The following CEP350 variants were observed in gnomAD, a reference collection of about 807,000 sequenced individuals.
CEP350 encodes centrosome-associated protein 350.
A neutral mutation model predicts 331.8 loss-of-function variants in CEP350; 126 were observed. That is an observed-to-expected ratio of 0.38 (90% CI 0.33 to 0.44). The LOEUF is 0.44. Ranked by LOEUF, CEP350 falls within the 20% of genes least tolerant of loss-of-function variation. CEP350 has a pLI of 1.00. For synonymous variants in CEP350, 1,200 were observed against 1,259.5 expected (o/e 0.95, Z 1.00); for missense variants, 3,406 against 3,634.6 (o/e 0.94, Z 1.62).
At chr1:180,062,733 C>G (rs1267121122) in intron 26 of CEP350, among the ~76,000 whole-genome samples, 1 of 152,282 alleles carries the variant, frequency 6.6e-6, no homozygotes, top group Admixed American at 6.5e-5. Flanking sequence ...CCTCTTTCTT[C>G]TCTTATTAAG....
In CEP350 at chr1:180,014,407, T is replaced by G; in HGVS notation, c.1954T>G (p.Ser652Ala). The change falls in exon 10 of 38, where the codon TCA becomes GCA. Residue 652 changes from serine (S) to alanine (A), a missense_variant. Physicochemically the swap from Ser to Ala is moderately conservative, Grantham distance 99. Coordinates refer to ENST00000367607, the MANE Select transcript of CEP350 (RefSeq NM_014810.5). The part of the protein sequence containing the change: ...KVKNVPPSEP[S>A]ATRRLQETYS... ...AAAAAATGTCCCTCCTTCTGAGCCATCAGCAACTAGGCGACTACAGGAAAC... is the reference window on the plus strand; with the variant it reads ...AAAAAATGTCCCTCCTTCTGAGCCAGCAGCAACTAGGCGACTACAGGAAAC... The G allele has an allele frequency of 1.2e-6, 2 of 1,605,876 alleles. No individual in the cohort carries two copies. The highest frequency in any genetic ancestry group is 1.7e-6 in the Non-Finnish European group (2 of 1,176,056).
At chr1:180,035,768 A>T (rs1336861362) in intron 16 of CEP350, among the ~76,000 whole-genome samples, 3 of 152,224 alleles carry the variant, frequency 2.0e-5, no homozygotes, top group African/African-American at 7.2e-5. Context: ...AAGAGCTCTG[A>T]TGGTCATAAA....
chr1:179,995,191 CTGT>C (rs1322215359), intron 5 of CEP350, among the ~76,000 whole-genome samples: 1 of 152,142 alleles, frequency 6.6e-6, no homozygotes, highest in African/African-American at 2.4e-5. Flanking sequence ...CAGGTCCAGC[CTGT>C]TGTTAGGTCT....
rs1200874866 is a variant in CEP350, at chr1:180,062,281, T to G, written c.5324T>G (p.Leu1775Arg). The G allele has an allele frequency of 6.2e-7, 1 of 1,611,044 alleles. No individual in the cohort carries two copies. The highest frequency in any genetic ancestry group is 8.5e-7 in the Non-Finnish European group (1 of 1,178,412). Residue 1775 changes from leucine (L) to arginine (R), a missense_variant, in exon 26 of 38, where the codon CTT becomes CGT. Leu to Arg is a moderately radical substitution (Grantham distance 102). Around this residue, in one of 5 missense-constraint regions of CEP350, gnomAD observed 1,415 missense variants for 1,512.3 expected, o/e 0.94. Transcript: ENST00000367607. ...KAARKERQLI[L>R]KQQEEIEKIR... ...GCTCGGAAGGAAAGACAGCTGATTC[T>G]TAAACAGCAGGAGGAGATAGAAAAG...
chr1:180,086,562 A>AT (rs1558149970), intron 31 of CEP350, among the ~76,000 whole-genome samples: 1 of 150,166 alleles, frequency 6.7e-6, no homozygotes, highest in Non-Finnish European at 1.5e-5. Flanking sequence ...TATATATATA[A>AT]AATACATAGC....
At chr1:180,091,828 CAAAA>C (rs59793106) in intron 33 of CEP350, among the ~76,000 whole-genome samples, 1 of 111,562 alleles carries the variant, frequency 9.0e-6, no homozygotes, top group Non-Finnish European at 1.9e-5. Flanking sequence ...GACACTATCT[CAAAA>C]AAAAAAAAAA....
At chr1:179,961,305 C>T (rs1631932) in intron 1 of CEP350, among the ~76,000 whole-genome samples, 85,732 of 151,888 alleles carry the variant, frequency 0.56, 26,164 homozygotes, top group East Asian at 0.71. Flanking sequence ...AAAATTAGCT[C>T]GGCGTGGTGG....
chr1:180,004,013 CTAT>C (rs1409676419), intron 7 of CEP350, among the ~76,000 whole-genome samples: 7 of 152,098 alleles, frequency 4.6e-5, no homozygotes, highest in African/African-American at 1.7e-4. Flanking sequence ...AGTTTTCTTG[CTAT>C]TATTATACAA....
chr1:180,011,992 T>C lies in CEP350; in HGVS notation c.1310T>C (p.Leu437Pro), dbSNP rs1571864721. Residue 437 changes from leucine to proline, a missense_variant, in exon 9 of 38, where the codon CTG becomes CCG. By Grantham distance (98) the Leu-to-Pro change is moderately conservative (BLOSUM62 -3). Around this residue, in one of 5 missense-constraint regions of CEP350, gnomAD observed 1,857 missense variants for 1,909.2 expected, o/e 0.97. Coordinates refer to ENST00000367607, the MANE Select transcript of CEP350 (RefSeq NM_014810.5). ...GGACAAAAATTAGTAAAGAAGATTC[T>C]GGGACCTGCTCCCAGAATGGAGCCA... Reference protein sequence around the residue: ...RDGQKLVKKILGPAPRMEPKE... With the variant: ...RDGQKLVKKIPGPAPRMEPKE... 6.3e-7 allele frequency: 1 copy of C among 1,593,650 alleles called. No individual in the cohort carries two copies. The highest frequency in any genetic ancestry group is 1.7e-4 in the Middle Eastern group (1 of 6,036).
chr1:180,067,912 A>G (rs558606333), intron 27 of CEP350, among the ~76,000 whole-genome samples: 1 of 152,346 alleles, frequency 6.6e-6, no homozygotes, highest in Non-Finnish European at 1.5e-5. Flanking sequence ...TTTCATAGTC[A>G]TTCGCTATGG....
intron 1 of CEP350, among the ~76,000 whole-genome samples, chr1:179,976,605 G>A (rs1182976220): frequency 6.7e-6 from 1 of 148,774 alleles, no homozygotes; most frequent in Non-Finnish European, 1.5e-5. Context: ...AGTGAGCCGA[G>A]ATCGCGCCAC....
At position 180,094,566 on chromosome 1, in the gene CEP350, T is replaced by C. The variant is rs756806548; in HGVS notation, c.8461T>C (p.Leu2821=). 3.1e-6 allele frequency: 5 copies of C among 1,613,696 alleles called. No homozygotes were observed. Among genetic ancestry groups the C allele is most frequent in the East Asian group, 4.5e-5 (2 of 44,870 alleles). ...SISGCFLSSE[L]EDEKEEISSP... is the part of the protein sequence containing the mutation. Reference sequence around the variant, plus strand: ...TTCAGGTTGCTTCTTAAGTTCTGAATTGGAAGATGAAAAAGAAGAGATTTC... The same window carrying C: ...TTCAGGTTGCTTCTTAAGTTCTGAACTGGAAGATGAAAAAGAAGAGATTTC... The change falls in exon 34 of 38, where the codon TTG becomes CTG. Residue 2821 remains leucine (L), a synonymous_variant. Transcript: ENST00000367607.
chr1:180,039,433 C>T (rs1264640192), intron 17 of CEP350, among the ~76,000 whole-genome samples: 2 of 152,060 alleles, frequency 1.3e-5, no homozygotes, highest in Admixed American at 1.3e-4. Flanking sequence ...GTGTGTAATC[C>T]TTCTCAAGTT....
At position 180,058,425 on chromosome 1, in the gene CEP350, C is replaced by T. The variant is rs1355915740; in HGVS notation, c.5263-3795C>T. Among the ~76,000 whole-genome samples, 4 of 152,032 alleles carry T rather than the reference C, an allele frequency of 2.6e-5. No homozygotes were observed. In the East Asian group the frequency reaches 7.7e-4, roughly 29 times the overall value. ...TTCTTTTTAATAGAAAAGCAAGATG[C>T]AAAGAATATATACAGTATTATACCA... is the stretch of plus-strand genomic sequence containing the variant. On this transcript the variant is annotated intron_variant, in intron 25 of 37. Coordinates refer to ENST00000367607, the MANE Select transcript of CEP350 (RefSeq NM_014810.5).
chr1:180,006,554 A>G lies in CEP350; in HGVS notation c.1233A>G (p.Thr411=), dbSNP rs1485070746. ...AAAAAGTAGCACAGTTATCAAGTACAGAATGCAGAACAGGTTAGTTTTCTC... is the reference window on the plus strand; with the variant it reads ...AAAAAGTAGCACAGTTATCAAGTACGGAATGCAGAACAGGTTAGTTTTCTC... ...KVQKVAQLSS[T]ECRTGSSHLI... Residue 411 remains threonine (T), a synonymous_variant, in exon 8 of 38, where the codon ACA becomes ACG. Coordinates refer to ENST00000367607, the MANE Select transcript of CEP350 (RefSeq NM_014810.5). The G allele has an allele frequency of 1.3e-6, 2 of 1,510,776 alleles. No individual in the cohort carries two copies. Among genetic ancestry groups the G allele is most frequent in the Admixed American group, 3.9e-5 (2 of 51,372 alleles). The allele number at this position is 1,510,776 out of a possible 1,614,324, so 93.6% of individuals were successfully genotyped here.
chr1:180,041,011 C>T, intron 17 of CEP350, 127 bp from the exon 18 acceptor site: 1 of 658,336 alleles, frequency 1.5e-6, no homozygotes, highest in Non-Finnish European at 2.6e-6. Context: ...TTTTTACTAT[C>T]TTTCCTTTTG....
At chr1:180,003,037 T>C in intron 6 of CEP350, 137 bp from the exon 7 acceptor site, 2 of 597,522 alleles carry the variant, frequency 3.3e-6, no homozygotes, top group Non-Finnish European at 2.9e-6. Flanking sequence ...TTTGTGAATA[T>C]ACTATAAACC....
intron 7 of CEP350, among the ~76,000 whole-genome samples, chr1:180,004,927 C>CTTTCTTTCTTTCTT (rs1553254001): frequency 2.8e-3 from 211 of 75,006 alleles, no homozygotes; most frequent in Non-Finnish European, 3.9e-3. Flanking sequence ...TTCTTTCTTT[C>CTTTCTTTCTTTCTT]TTTCTTTCTT....
intron 1 of CEP350, among the ~76,000 whole-genome samples, chr1:179,980,313 G>C (rs529150270): frequency 7.3e-5 from 11 of 150,698 alleles, no homozygotes; most frequent in African/African-American, 2.7e-4. Flanking sequence ...ACTGTGGATG[G>C]GATTGCTTTC....
Sources: gnomAD v4.1 joint callset for allele counts (sites outside exome capture counted in the v4.1 genomes callset) on GRCh38, gnomAD v4.1.1 for gene constraint, gnomAD v4.1.1 regional missense constraint, MANE v1.5 for transcripts, NCBI Gene and HGNC (gene_info 2026-07-23, HGNC 2026-07-21) for gene names.